SOX5: variants seen among roughly 807,000 people sequenced by gnomAD.
The protein encoded by SOX5 is transcription factor SOX-5.
A neutral mutation model predicts 92.0 loss-of-function variants in SOX5; 9 were observed. The ratio of observed to expected loss-of-function variants is 0.10; its 90% confidence interval spans 0.06 to 0.17. The LOEUF is 0.17. SOX5 is among the 10% of genes least tolerant of loss of function. The probability of loss-of-function intolerance (pLI) is 1.00; values close to 1 mark genes in which losing one functional copy is unlikely to be tolerated. For synonymous variants in SOX5, 344 were observed against 336.3 expected, an observed-to-expected ratio of 1.02 and a Z score of -0.25; for missense variants, 642 against 944.5, an observed-to-expected ratio of 0.68 and a Z score of 4.20.
intron 9 of SOX5, among the ~76,000 whole-genome samples, chr12:23,579,854 A>G (rs16926404): frequency 7.3e-4 from 111 of 152,232 alleles, no homozygotes; most frequent in Middle Eastern, 3.4e-3. Context: ...TACTATTTCT[A>G]TCAACTACAC....
intron 4 of SOX5, among the ~76,000 whole-genome samples, chr12:24,095,154 GAGACAGAGAC>G (rs1569540915): frequency 2.7e-5 from 4 of 149,566 alleles, no homozygotes; most frequent in Admixed American, 6.7e-5. Context: ...GAGAGAGAGA[GAGACAGAGAC>G]AGAGAGACAG....
chr12:23,810,751 C>T (rs558692037), intron 3 of SOX5, among the ~76,000 whole-genome samples: 1 of 152,068 alleles, frequency 6.6e-6, no homozygotes, highest in African/African-American at 2.4e-5. Context: ...ATCTCCTTCC[C>T]TTTTTTCCTT....
At chr12:24,436,578 T>C (rs1305483368) in intron 1 of SOX5, among the ~76,000 whole-genome samples, 2 of 152,134 alleles carry the variant, frequency 1.3e-5, no homozygotes, top group Non-Finnish European at 2.9e-5. Flanking sequence ...AAAGAAGCCA[T>C]CTCCATAACA....
intron 2 of SOX5, among the ~76,000 whole-genome samples, chr12:23,873,457 G>C (rs2096895832): frequency 2.0e-5 from 3 of 152,138 alleles, no homozygotes; most frequent in Admixed American, 2.0e-4. Context: ...TGGGTGACAA[G>C]GTAAGACCCT....
intron 2 of SOX5, among the ~76,000 whole-genome samples, chr12:24,293,539 CTG>C: frequency 6.6e-6 from 1 of 152,034 alleles, no homozygotes; most frequent in South Asian, 2.1e-4. Flanking sequence ...TCTGAAAACA[CTG>C]TGAGAGCAGA....
chr12:24,085,076 C>T (rs17407659), intron 4 of SOX5, among the ~76,000 whole-genome samples: 14,218 of 136,664 alleles, frequency 0.1, 694 homozygotes, highest in Non-Finnish European at 0.12. Flanking sequence ...AAAAAGAGGG[C>T]GCATGTTCTT....
intron 7 of SOX5, among the ~76,000 whole-genome samples, chr12:23,648,175 G>GA (rs2081116815): frequency 6.6e-6 from 1 of 152,068 alleles, no homozygotes; most frequent in South Asian, 2.1e-4. Context: ...TTGAAATATT[G>GA]AAAAAATTAT....
chr12:23,675,647 TA>T (rs1566906418), intron 6 of SOX5, among the ~76,000 whole-genome samples: 2 of 152,166 alleles, frequency 1.3e-5, no homozygotes, highest in Non-Finnish European at 2.9e-5. Context: ...ATGATTTTTT[TA>T]ATATCATACC....
At chr12:23,665,623 C>T in intron 6 of SOX5, 59 bp from the exon 7 acceptor site, 3 of 1,529,574 alleles carry the variant, frequency 2.0e-6, no homozygotes, top group Non-Finnish European at 2.6e-6. Flanking sequence ...ATGCTTCTTC[C>T]CACCCTCCTT....
At chr12:24,157,024 TTC>T in intron 4 of SOX5, among the ~76,000 whole-genome samples, 1 of 152,250 alleles carries the variant, frequency 6.6e-6, no homozygotes, top group African/African-American at 2.4e-5. Context: ...CATTTAGTAC[TTC>T]TCTTTGATTA....
chr12:23,615,265 A>G (rs1338685649), intron 8 of SOX5, among the ~76,000 whole-genome samples: 1 of 151,646 alleles, frequency 6.6e-6, no homozygotes, highest in East Asian at 1.9e-4. Context: ...ATGCATTCAG[A>G]TCTTTTGCTT....
chr12:24,022,544 C>T (rs996136743), intron 4 of SOX5, among the ~76,000 whole-genome samples: 1 of 152,102 alleles, frequency 6.6e-6, no homozygotes, highest in African/African-American at 2.4e-5. Context: ...TTGTAATTTG[C>T]CTACCATTCT....
chr12:23,730,216 G>C (rs1308769072), intron 6 of SOX5, among the ~76,000 whole-genome samples: 2 of 150,640 alleles, frequency 1.3e-5, no homozygotes, highest in Non-Finnish European at 3.0e-5. Flanking sequence ...AGAGTAAGAG[G>C]GAAAAAAAAG....
At chr12:23,925,341 A>AT (rs1272045849) in intron 1 of SOX5, among the ~76,000 whole-genome samples, 2 of 152,102 alleles carry the variant, frequency 1.3e-5, no homozygotes, top group African/African-American at 4.8e-5. Flanking sequence ...CATCAGTGTG[A>AT]TTTTTTAATA....
intron 3 of SOX5, among the ~76,000 whole-genome samples, chr12:23,836,713 T>C (rs918085916): frequency 1.3e-5 from 2 of 151,966 alleles, no homozygotes; most frequent in Non-Finnish European, 2.9e-5. Flanking sequence ...GACATGAATA[T>C]GGCACCCTCA....
intron 1 of SOX5, among the ~76,000 whole-genome samples, chr12:24,562,049 C>A (rs1406466211): frequency 6.6e-6 from 1 of 152,256 alleles, no homozygotes; most frequent in Non-Finnish European, 1.5e-5. Context: ...TCCAAGCCGG[C>A]GCTCCAGGGT....
chr12:24,428,848 C>A (rs187713542), intron 1 of SOX5, among the ~76,000 whole-genome samples: 1 of 149,648 alleles, frequency 6.7e-6, no homozygotes, highest in East Asian at 2.0e-4. Flanking sequence ...CATAGTGAGC[C>A]GGTTAATGGA....
At chr12:24,349,703 TCTA>T (rs1953826855) in intron 2 of SOX5, among the ~76,000 whole-genome samples, 3 of 152,256 alleles carry the variant, frequency 2.0e-5, no homozygotes, top group African/African-American at 7.2e-5. Flanking sequence ...TTTGGTTGCC[TCTA>T]CTTTTAGCTA....
At chr12:23,593,043 C>T (rs1566116884) in intron 9 of SOX5, among the ~76,000 whole-genome samples, 2 of 151,896 alleles carry the variant, frequency 1.3e-5, no homozygotes, top group Admixed American at 1.3e-4. Context: ...CGCGCCCCTG[C>T]ACTCCAGCCT....
Sources: allele counts gnomAD v4.1 joint callset (sites outside exome capture counted in the v4.1 genomes callset), GRCh38; gene constraint gnomAD v4.1.1; transcripts MANE v1.5; gene names NCBI Gene and HGNC (gene_info 2026-07-23, HGNC 2026-07-21).